LRRC4C: variants seen among roughly 807,000 people sequenced by gnomAD.
The protein encoded by LRRC4C is leucine-rich repeat-containing protein 4C.
LRRC4C carries 5 observed loss-of-function variants against 33.6 expected under a neutral mutation model. That is an observed-to-expected ratio of 0.15 (90% CI 0.08 to 0.31). The LOEUF is 0.31. Ranked by LOEUF, LRRC4C falls within the 10% of genes least tolerant of loss-of-function variation. The pLI is 1.00. For synonymous variants in LRRC4C, 329 were observed against 302.0 expected (o/e 1.09, Z -0.93); for missense variants, 560 against 796.7 (o/e 0.70, Z 3.58).
intron 2 of LRRC4C, among the ~76,000 whole-genome samples, chr11:40,925,533 A>T (rs995059285): frequency 1.3e-5 from 2 of 152,204 alleles, no homozygotes; most frequent in Non-Finnish European, 2.9e-5. Flanking sequence ...AAACTTTGCC[A>T]CTTTAAGCTT....
At chr11:40,332,874 A>C (rs971291020) in intron 3 of LRRC4C, among the ~76,000 whole-genome samples, 1 of 152,210 alleles carries the variant, frequency 6.6e-6, no homozygotes, top group Non-Finnish European at 1.5e-5. Flanking sequence ...TAGCATCTGC[A>C]TATATCTTCA....
chr11:41,434,423 G>T (rs1277118986), intron 1 of LRRC4C, among the ~76,000 whole-genome samples: 1 of 151,958 alleles, frequency 6.6e-6, no homozygotes, highest in East Asian at 1.9e-4. Flanking sequence ...CTTTGATGAT[G>T]TATGGTCAAA....
intron 1 of LRRC4C, among the ~76,000 whole-genome samples, chr11:41,195,100 A>G (rs1279538621): frequency 6.6e-6 from 1 of 151,910 alleles, no homozygotes; most frequent in African/African-American, 2.4e-5. Flanking sequence ...CTTCAGACAT[A>G]GTTTCTCTTT....
At chr11:40,901,536 G>A (rs1477276743) in intron 2 of LRRC4C, among the ~76,000 whole-genome samples, 6 of 152,064 alleles carry the variant, frequency 3.9e-5, no homozygotes, top group Non-Finnish European at 5.9e-5. Flanking sequence ...AAGGTTTAGA[G>A]TTGCAGTGTA....
intron 2 of LRRC4C, among the ~76,000 whole-genome samples, chr11:40,922,181 T>A (rs1957211902): frequency 6.6e-6 from 1 of 152,132 alleles, no homozygotes. Flanking sequence ...TTTGTCTCTT[T>A]CCCCTTCCTT....
At chr11:40,296,855 C>G (rs1944540712) in intron 4 of LRRC4C, among the ~76,000 whole-genome samples, 1 of 152,172 alleles carries the variant, frequency 6.6e-6, no homozygotes, top group South Asian at 2.1e-4. Flanking sequence ...ACCACCCTTC[C>G]CATTAGCCCA....
intron 3 of LRRC4C, among the ~76,000 whole-genome samples, chr11:40,346,893 G>A (rs921718617): frequency 1.3e-5 from 2 of 152,114 alleles, no homozygotes; most frequent in Non-Finnish European, 2.9e-5. Flanking sequence ...TGTCATCCAG[G>A]CTTTGTCATT....
chr11:41,075,305 A>G (rs1939066476), intron 1 of LRRC4C, among the ~76,000 whole-genome samples: 1 of 152,038 alleles, frequency 6.6e-6, no homozygotes, highest in African/African-American at 2.4e-5. Context: ...ATTTTCAACT[A>G]TTTTAATTCC....
At chr11:40,751,730 C>T (rs1472025121) in intron 2 of LRRC4C, among the ~76,000 whole-genome samples, 1 of 151,990 alleles carries the variant, frequency 6.6e-6, no homozygotes, top group Non-Finnish European at 1.5e-5. Context: ...ATGTTATTTT[C>T]CACAGAAATA....
At chr11:40,459,330 T>G (rs926908166) in intron 3 of LRRC4C, among the ~76,000 whole-genome samples, 3 of 152,204 alleles carry the variant, frequency 2.0e-5, no homozygotes, top group African/African-American at 7.2e-5. Flanking sequence ...GGCACTCATT[T>G]GCAGCATCAT....
chr11:40,869,133 G>A (rs1264981181), intron 2 of LRRC4C, among the ~76,000 whole-genome samples: 9 of 152,098 alleles, frequency 5.9e-5, no homozygotes, highest in Non-Finnish European at 1.5e-5. Context: ...CAATGCCTCT[G>A]ATCACAGAAT....
intron 2 of LRRC4C, among the ~76,000 whole-genome samples, chr11:40,672,239 T>C (rs1033785660): frequency 3.3e-5 from 5 of 152,146 alleles, no homozygotes; most frequent in Non-Finnish European, 5.9e-5. Flanking sequence ...TGTCCTCTCA[T>C]GGTGGGAGGA....
chr11:40,497,807 T>C (rs1954543233), intron 3 of LRRC4C, among the ~76,000 whole-genome samples: 1 of 152,124 alleles, frequency 6.6e-6, no homozygotes, highest in South Asian at 2.1e-4. Context: ...TCTGAGGTGT[T>C]TGAGAAATAA....
At chr11:40,343,535 G>A (rs1946970241) in intron 3 of LRRC4C, among the ~76,000 whole-genome samples, 1 of 151,734 alleles carries the variant, frequency 6.6e-6, no homozygotes, top group East Asian at 1.9e-4. Context: ...ACAGACCCTG[G>A]TGTCCATTGT....
intron 1 of LRRC4C, among the ~76,000 whole-genome samples, chr11:41,360,256 C>G (rs1443381777): frequency 2.6e-5 from 4 of 152,082 alleles, no homozygotes; most frequent in African/African-American, 9.7e-5. Flanking sequence ...TCCCGGACAC[C>G]TCAAAGCTAG....
intron 1 of LRRC4C, among the ~76,000 whole-genome samples, chr11:41,262,680 G>C (rs1339158600): frequency 5.9e-5 from 9 of 152,078 alleles, no homozygotes; most frequent in Non-Finnish European, 1.2e-4. Flanking sequence ...ATATTCAACA[G>C]TTTTTGTTCA....
intron 1 of LRRC4C, among the ~76,000 whole-genome samples, chr11:41,183,819 T>C (rs989668629): frequency 2.6e-5 from 4 of 152,178 alleles, no homozygotes; most frequent in African/African-American, 9.7e-5. Context: ...GAGAGCCCCA[T>C]CACTGCAGCA....
intron 4 of LRRC4C, among the ~76,000 whole-genome samples, chr11:40,309,288 C>G (rs930381413): frequency 4.6e-5 from 7 of 152,092 alleles, no homozygotes; most frequent in Admixed American, 3.3e-4. Flanking sequence ...TTCAATATTT[C>G]ATATAAATGG....
Position 40,345,565 on chromosome 11 carries a change from C to T in LRRC4C, c.-269-25844G>A, listed in dbSNP as rs147318066. Among the ~76,000 whole-genome samples, 232 of 152,242 alleles carry T rather than the reference C, an allele frequency of 1.5e-3. 5 individuals carry two copies. Among genetic ancestry groups the T allele is most frequent in the South Asian group, 0.015 (72 of 4,830 alleles). ...AAATCAACTCAAAATAAATTAAATA[C>T]TTAAATGTAATACCTACAACTATAA... On this transcript the variant is annotated intron_variant, in intron 3 of 6. Coordinates refer to ENST00000528697, the MANE Select transcript of LRRC4C (RefSeq NM_001258419.2).
Sources: allele counts gnomAD v4.1 joint callset (sites outside exome capture counted in the v4.1 genomes callset), GRCh38; gene constraint gnomAD v4.1.1; transcripts MANE v1.5; gene names NCBI Gene and HGNC (gene_info 2026-07-23, HGNC 2026-07-21).